The following WDR41 variants were observed in gnomAD, a reference collection of about 807,000 sequenced individuals.
WDR41 encodes WD repeat-containing protein 41.
WDR41 carries 63 observed loss-of-function variants against 69.3 expected under a neutral mutation model. The observed-to-expected ratio is 0.91, with a 90% CI of 0.74 to 1.12. WDR41 has a LOEUF of 1.12. Ranked by LOEUF, WDR41 falls within the 50% of genes most tolerant of loss-of-function variation. The pLI is 0.00. For missense variants in WDR41, 543 were observed against 534.5 expected, an observed-to-expected ratio of 1.02 and a Z score of -0.16; for synonymous variants, 185 against 192.1, an observed-to-expected ratio of 0.96 and a Z score of 0.31.
In WDR41 at chr5:77,545,789, C is replaced by T. The variant is rs1316675440; in HGVS notation, c.43-56217G>A. The T allele has an allele frequency of 3.3e-5, 33 of 997,100 alleles. No individual in the cohort carries two copies. The Admixed American group carries it at 5.8e-4, about 17-fold the overall frequency. The allele number at this position is 997,100 out of a possible 1,614,324, so 61.8% of individuals were successfully genotyped here. ...ACATTGGGGACTACAATGGCCACGT[C>T]GGTCTGGGTGTTAAGTGCTCCAAGG... is the stretch of plus-strand genomic sequence containing the variant. On this transcript the variant is annotated intron_variant, in intron 1 of 5. Coordinates refer to the WDR41 transcript ENST00000509971.
intron 8 of WDR41, among the ~76,000 whole-genome samples, chr5:77,441,878 A>G (rs1025806408): frequency 2.7e-5 from 1 of 37,544 alleles, no homozygotes; most frequent in East Asian, 7.2e-4. Context: ...AATACAGCAG[A>G]AAAAAAAATG....
rs549630622 is a variant in WDR41 at position 77,607,063 on chromosome 5, G to A, written c.42+13416C>T. Among the ~76,000 whole-genome samples, 68 of 152,068 alleles carry A rather than the reference G, an allele frequency of 4.5e-4. No homozygotes were observed. In the South Asian group the frequency reaches 0.013, roughly 30 times the overall value. On this transcript the variant is annotated intron_variant, in intron 1 of 5. Coordinates refer to the WDR41 transcript ENST00000509971. ...GATTAAGAAGACAAACCAAGCAGTA[G>A]TACACATGGAGAGAAAAGCAAAAAG... is the stretch of plus-strand genomic sequence containing the variant.
chr5:77,432,014 C>G lies in WDR41; in HGVS notation c.*1121G>C, dbSNP rs1303491813. On this transcript the variant is annotated 3_prime_UTR_variant, in exon 13 of 13. Coordinates refer to ENST00000296679, the MANE Select transcript of WDR41 (RefSeq NM_018268.4). ...TGTAACATTATGCCACTGGTCTACT[C>G]AGATGACCTTAACTCTTCCAGTCTT... The G allele has an allele frequency of 6.6e-6, 1 of 152,190 alleles. No individual in the cohort carries two copies. Among genetic ancestry groups the G allele is most frequent in the Non-Finnish European group, 1.5e-5 (1 of 68,040 alleles). 9.4% of individuals were successfully genotyped at this position (152,190 alleles called of 1,614,324 possible). A position where few individuals can be genotyped will look rare whatever the true frequency, so the allele number is the denominator to read the frequency against.
At chr5:77,501,316 C>G (rs1802014949) in intron 1 of WDR41, among the ~76,000 whole-genome samples, 1 of 152,252 alleles carries the variant, frequency 6.6e-6, no homozygotes, top group Non-Finnish European at 1.5e-5. Flanking sequence ...GGCAGCCTGG[C>G]TTGGAGAGGA....
chr5:77,540,889 A>C (rs972469989), intron 1 of WDR41, among the ~76,000 whole-genome samples: 1 of 152,196 alleles, frequency 6.6e-6, no homozygotes, highest in Non-Finnish European at 1.5e-5. Flanking sequence ...TAAAAGGAGA[A>C]TGTCTTGTTT....
intron 1 of WDR41, among the ~76,000 whole-genome samples, chr5:77,606,369 T>C (rs1032130705): frequency 2.6e-5 from 4 of 152,142 alleles, no homozygotes; most frequent in South Asian, 2.1e-4. Context: ...AAAGGCTTCC[T>C]ACAGGGGAGG....
chr5:77,598,122 C>T (rs10474519), intron 1 of WDR41, among the ~76,000 whole-genome samples: 13,750 of 152,194 alleles, frequency 0.09, 859 homozygotes, highest in East Asian at 0.25. Flanking sequence ...TAGCACATTG[C>T]CTAGCAAATA....
At chr5:77,486,827 C>G (rs1801546308) in intron 2 of WDR41, among the ~76,000 whole-genome samples, 1 of 152,164 alleles carries the variant, frequency 6.6e-6, no homozygotes, top group Non-Finnish European at 1.5e-5. Context: ...TGCCATCCTG[C>G]AGAATAATGA....
intron 2 of WDR41, among the ~76,000 whole-genome samples, chr5:77,469,402 G>T (rs1800458286): frequency 6.6e-6 from 1 of 152,094 alleles, no homozygotes; most frequent in African/African-American, 2.4e-5. Flanking sequence ...AATTCTCACA[G>T]CCCAGATTTT....
intron 2 of WDR41, among the ~76,000 whole-genome samples, chr5:77,485,001 A>G (rs1801447796): frequency 6.6e-6 from 1 of 152,216 alleles, no homozygotes; most frequent in East Asian, 1.9e-4. Context: ...AATAGTACAA[A>G]GCCCTAGTTA....
intron 1 of WDR41, among the ~76,000 whole-genome samples, chr5:77,501,245 C>T (rs975826978): frequency 6.6e-6 from 1 of 152,266 alleles, no homozygotes; most frequent in Non-Finnish European, 1.5e-5. Context: ...GCTCAGCGGG[C>T]CCCACACCCA....
chr5:77,569,218 C>T (rs1488292019), intron 1 of WDR41, among the ~76,000 whole-genome samples: 1 of 152,130 alleles, frequency 6.6e-6, no homozygotes, highest in Non-Finnish European at 1.5e-5. Context: ...AAGGAACTTA[C>T]TTCATCTTTC....
At chr5:77,604,158 T>C (rs1326062314) in intron 1 of WDR41, among the ~76,000 whole-genome samples, 1 of 152,220 alleles carries the variant, frequency 6.6e-6, no homozygotes, top group African/African-American at 2.4e-5. Context: ...TGAAGATTTC[T>C]TTAGACAGTA....
At chr5:77,448,890 A>C (rs910058130) in intron 8 of WDR41, among the ~76,000 whole-genome samples, 3 of 148,870 alleles carry the variant, frequency 2.0e-5, no homozygotes, top group Non-Finnish European at 4.5e-5. Flanking sequence ...CAAACAAACA[A>C]ACACAAACAA....
chr5:77,528,762 A>G (rs1482883969), intron 1 of WDR41, among the ~76,000 whole-genome samples: 2 of 151,696 alleles, frequency 1.3e-5, no homozygotes, highest in Non-Finnish European at 3.0e-5. Context: ...CAGAGCATTA[A>G]CACAATAAAA....
chr5:77,457,233 T>C (rs1365404535), intron 5 of WDR41, among the ~76,000 whole-genome samples: 1 of 152,190 alleles, frequency 6.6e-6, no homozygotes, highest in East Asian at 1.9e-4. Flanking sequence ...AAACTAAGCT[T>C]ATTCCAGGGA....
intron 1 of WDR41, among the ~76,000 whole-genome samples, chr5:77,524,602 G>A (rs944189727): frequency 8.1e-6 from 1 of 122,894 alleles, no homozygotes; most frequent in African/African-American, 3.4e-5. Flanking sequence ...CAAATAAATA[G>A]ATAAGACACA....
intron 1 of WDR41, among the ~76,000 whole-genome samples, chr5:77,573,188 A>G (rs552030524): frequency 1.1e-4 from 16 of 152,250 alleles, no homozygotes; most frequent in African/African-American, 3.9e-4. Flanking sequence ...CTAATGGTAT[A>G]TTAAGAGACA....
chr5:77,613,551 T>A (rs1282822895), intron 1 of WDR41, among the ~76,000 whole-genome samples: 21 of 152,128 alleles, frequency 1.4e-4, no homozygotes, highest in Non-Finnish European at 2.6e-4. Context: ...GGGAAAGGAT[T>A]CCCTATTTAA....
Sources: gnomAD v4.1 joint callset for allele counts (sites outside exome capture counted in the v4.1 genomes callset) on GRCh38, gnomAD v4.1.1 for gene constraint, MANE v1.5 for transcripts, NCBI Gene and HGNC (gene_info 2026-07-23, HGNC 2026-07-21) for gene names.